PPP2R3B: variants seen among roughly 807,000 people sequenced by gnomAD.
PPP2R3B encodes serine/threonine-protein phosphatase 2A regulatory subunit B'' subunit beta.
A neutral mutation model predicts 72.9 loss-of-function variants in PPP2R3B; 68 were observed. The observed-to-expected ratio is 0.93, with a 90% CI of 0.77 to 1.14. The LOEUF (loss-of-function observed/expected upper bound fraction) is 1.14. PPP2R3B is among the 50% of genes most tolerant of loss of function. PPP2R3B has a pLI of 0.00. For missense variants in PPP2R3B, 1,018 were observed against 842.0 expected (o/e 1.21, Z -2.59); for synonymous variants, 466 against 375.8 (o/e 1.24, Z -2.78).
chrX:382,531 A>G (rs2072150159), intron 1 of PPP2R3B, among the ~76,000 whole-genome samples: 2 of 147,048 alleles, frequency 1.4e-5, no homozygotes, highest in Admixed American at 6.7e-5. Flanking sequence ...CCTGCCCCCT[A>G]TACCCAATAA....
At position 338,766 on chromosome X, in the gene PPP2R3B, C is replaced by G. The variant is rs2738374; in HGVS notation, c.1470+12G>C. ...CGTGGCGCGGCCCGGCCCGCGTGCC[C>G]GCCGCACTCACCCTGAGCAGGGAGA... On this transcript the variant is annotated intron_variant, in intron 11 of 12. Transcript: ENST00000390665. 6.2e-7 allele frequency: 1 copy of G among 1,611,812 alleles called. No individual in the cohort carries two copies. Among genetic ancestry groups the G allele is most frequent in the Non-Finnish European group, 8.5e-7 (1 of 1,179,390 alleles).
At chrX:350,325 G>GCGGCCAAGGTTTCTTTCA (rs1184217897) in intron 2 of PPP2R3B, among the ~76,000 whole-genome samples, 5 of 152,320 alleles carry the variant, frequency 3.3e-5, no homozygotes, top group East Asian at 3.9e-4. Flanking sequence ...CGGCTCTGCC[G>GCGGCCAAGGTTTCTTTCA]CGGCCAAGGT....
intron 1 of PPP2R3B, among the ~76,000 whole-genome samples, chrX:364,637 C>A (rs866259276): frequency 0.08 from 9,946 of 124,984 alleles, 666 homozygotes; most frequent in Admixed American, 0.086. Context: ...AGAATCGCTT[C>A]AACACAGGAG....
chrX:359,571 T>C (rs1163646539), intron 2 of PPP2R3B, among the ~76,000 whole-genome samples: 2 of 152,216 alleles, frequency 1.3e-5, no homozygotes, highest in Non-Finnish European at 1.5e-5. Flanking sequence ...TATAGAATGA[T>C]CCTAATTTTT....
At chrX:361,172 C>T (rs2071530455) in intron 2 of PPP2R3B, among the ~76,000 whole-genome samples, 1 of 152,228 alleles carries the variant, frequency 6.6e-6, no homozygotes, top group African/African-American at 2.4e-5. Context: ...TTCCCACTCG[C>T]ATTTCAGATG....
intron 1 of PPP2R3B, among the ~76,000 whole-genome samples, chrX:363,974 T>C (rs2124247502): frequency 6.6e-6 from 1 of 152,322 alleles, no homozygotes; most frequent in South Asian, 2.1e-4. Flanking sequence ...AAACGTCTTC[T>C]AGACGGCGCC....
intron 2 of PPP2R3B, among the ~76,000 whole-genome samples, chrX:360,859 G>A (rs2071523457): frequency 6.6e-6 from 1 of 152,214 alleles, no homozygotes. Flanking sequence ...GGGCGTCCAG[G>A]CGGTCAGCCT....
At chrX:381,591 ATCT>A (rs2072125676) in intron 1 of PPP2R3B, among the ~76,000 whole-genome samples, 1 of 132,472 alleles carries the variant, frequency 7.5e-6, no homozygotes, top group Non-Finnish European at 1.6e-5. Flanking sequence ...GAACAAGCTC[ATCT>A]TTTTTTTTTT....
chrX:345,991 G>A (rs1392229861), intron 6 of PPP2R3B, among the ~76,000 whole-genome samples, 183 bp downstream of exon 6: 9 of 142,322 alleles, frequency 6.3e-5, no homozygotes, highest in Admixed American at 5.5e-4. Flanking sequence ...AACCGCAGGC[G>A]GCGGGGTTCC....
intron 2 of PPP2R3B, among the ~76,000 whole-genome samples, chrX:357,604 TACAAG>T (rs1419327036): frequency 2.0e-5 from 3 of 152,164 alleles, no homozygotes; most frequent in African/African-American, 4.8e-5. Flanking sequence ...TTGTAAATCG[TACAAG>T]ACAAGGAAAA....
intron 2 of PPP2R3B, among the ~76,000 whole-genome samples, chrX:350,381 G>A (rs1457060152): frequency 7.2e-5 from 11 of 152,194 alleles, no homozygotes; most frequent in Non-Finnish European, 1.6e-4. Flanking sequence ...AGGGAGCACC[G>A]CTGCACCGCC....
chrX:366,992 T>C (rs868471163), intron 1 of PPP2R3B, among the ~76,000 whole-genome samples: 11,448 of 99,552 alleles, frequency 0.11, 11 homozygotes, highest in Non-Finnish European at 0.13. Context: ...CGCACCACTG[T>C]CCTCCAGCCT....
At chrX:375,332 G>A (rs2071966032) in intron 1 of PPP2R3B, among the ~76,000 whole-genome samples, 2 of 152,078 alleles carry the variant, frequency 1.3e-5, no homozygotes, top group South Asian at 4.1e-4. Flanking sequence ...AAACTCACAG[G>A]GCAGAGGTGC....
Position 368,879 on chromosome X carries a change from C to T in PPP2R3B, c.325-7289G>A, listed in dbSNP as rs755193151. ...ACCGGGGGAAGGCCAGGACCACCCACCCTGGGCACCGACGGGGGGAAAGCC... is the reference window on the plus strand; with the variant it reads ...ACCGGGGGAAGGCCAGGACCACCCATCCTGGGCACCGACGGGGGGAAAGCC... On this transcript the variant is annotated intron_variant, in intron 1 of 12. Coordinates refer to ENST00000390665, the MANE Select transcript of PPP2R3B (RefSeq NM_013239.5). 3.5e-3 allele frequency among the ~76,000 whole-genome samples: 519 copies of T among 148,824 alleles called. 3 individuals are homozygous for T. Among genetic ancestry groups the T allele is most frequent in the Middle Eastern group, 7.0e-3 (2 of 284 alleles).
intron 1 of PPP2R3B, among the ~76,000 whole-genome samples, chrX:368,597 C>G (rs190314425): frequency 5.2e-4 from 20 of 38,116 alleles, no homozygotes; most frequent in Admixed American, 8.8e-4. Context: ...GGGCACCGAC[C>G]GGGGGAAGGC....
chrX:344,562 G>A (rs2071155285), intron 7 of PPP2R3B, among the ~76,000 whole-genome samples: 1 of 152,260 alleles, frequency 6.6e-6, no homozygotes, highest in South Asian at 2.1e-4. Context: ...GAAAGCTGGG[G>A]CCGCGCCGGG....
At chrX:353,894 G>A (rs373312165) in intron 2 of PPP2R3B, among the ~76,000 whole-genome samples, 1,175 of 109,008 alleles carry the variant, frequency 0.011, 212 homozygotes, top group East Asian at 0.074. Flanking sequence ...CCAAAGACCG[G>A]GGGCTCACCC....
At chrX:384,437 C>G (rs1309775633) in intron 1 of PPP2R3B, among the ~76,000 whole-genome samples, 1 of 151,792 alleles carries the variant, frequency 6.6e-6, no homozygotes, top group Non-Finnish European at 1.5e-5. Flanking sequence ...GCTGAGACTT[C>G]AGGTGCGCCA....
intron 10 of PPP2R3B, among the ~76,000 whole-genome samples, chrX:340,524 T>A (rs1248915633): frequency 6.6e-4 from 24 of 36,452 alleles, no homozygotes; most frequent in African/African-American, 3.2e-3. Flanking sequence ...CCGTCCCCCC[T>A]CCCGTCCGTC....
Sources: allele counts gnomAD v4.1 joint callset (sites outside exome capture counted in the v4.1 genomes callset), GRCh38; gene constraint gnomAD v4.1.1; transcripts MANE v1.5; gene names NCBI Gene and HGNC (gene_info 2026-07-23, HGNC 2026-07-21).